The following ZBBX variants were observed in gnomAD, a reference collection of about 807,000 sequenced individuals.
The protein encoded by ZBBX is zinc finger B-box domain-containing protein 1.
A neutral mutation model predicts 108.5 loss-of-function variants in ZBBX; 101 were observed. The observed-to-expected ratio is 0.93, with a 90% CI of 0.79 to 1.10. ZBBX has a LOEUF of 1.10. ZBBX is among the 50% of genes least tolerant of loss of function. The pLI is 0.00. For synonymous variants in ZBBX, 356 were observed against 323.4 expected (o/e 1.10, Z -1.08); for missense variants, 1,009 against 941.4 (o/e 1.07, Z -0.94).
At chr3:167,356,871 C>T (rs1466417900) in intron 8 of ZBBX, among the ~76,000 whole-genome samples, 1 of 152,060 alleles carries the variant, frequency 6.6e-6, no homozygotes, top group African/African-American at 2.4e-5. Context: ...GAGTGCAACT[C>T]AGCTTTTACT....
chr3:167,353,754 C>A (rs1421658672), intron 8 of ZBBX, among the ~76,000 whole-genome samples: 1 of 151,958 alleles, frequency 6.6e-6, no homozygotes, highest in Non-Finnish European at 1.5e-5. Flanking sequence ...ACCCTTGTAT[C>A]TCCATAATGA....
intron 6 of ZBBX, among the ~76,000 whole-genome samples, chr3:167,363,550 C>T (rs558402959): frequency 5.9e-5 from 9 of 152,124 alleles, no homozygotes; most frequent in Admixed American, 3.9e-4. Context: ...TGGTGAAGGC[C>T]TCTTTAATGG....
the ZBBX span, among the ~76,000 whole-genome samples, chr3:167,219,469 A>G: frequency 1.3e-5 from 2 of 152,068 alleles, no homozygotes; most frequent in Non-Finnish European, 2.9e-5. Context: ...AATCAATAAC[A>G]AGAGGAATTT....
chr3:167,373,320 T>C (rs1289235661), intron 3 of ZBBX, among the ~76,000 whole-genome samples: 1 of 152,228 alleles, frequency 6.6e-6, no homozygotes, highest in African/African-American at 2.4e-5. Context: ...TTTTGGTGTT[T>C]GCAGGGTGTG....
At chr3:167,366,409 T>C (rs892106588) in intron 5 of ZBBX, among the ~76,000 whole-genome samples, 6 of 151,850 alleles carry the variant, frequency 4.0e-5, no homozygotes, top group African/African-American at 1.4e-4. Context: ...AAACCTCTAA[T>C]GATCTCCCAC....
chr3:167,366,591 G>T (rs1745355311), intron 5 of ZBBX, among the ~76,000 whole-genome samples: 2 of 151,862 alleles, frequency 1.3e-5, no homozygotes, highest in Non-Finnish European at 1.5e-5. Flanking sequence ...ACATCACACA[G>T]AATAAATAAT....
At chr3:167,396,821 T>C (rs1748248249) in intron 1 of ZBBX, among the ~76,000 whole-genome samples, 1 of 151,892 alleles carries the variant, frequency 6.6e-6, no homozygotes, top group Admixed American at 6.6e-5. Flanking sequence ...AGGGAAAAAT[T>C]ACTTCAGGAA....
In ZBBX at chr3:167,305,834, C is replaced by G; in HGVS notation, c.1534G>C (p.Gly512Arg). 1.2e-6 allele frequency: 2 copies of G among 1,611,480 alleles called. No homozygotes were observed. The highest frequency in any genetic ancestry group is 1.7e-6 in the Non-Finnish European group (2 of 1,178,888). Residue 512 changes from glycine to arginine, a missense_variant, in exon 17 of 22, where the codon GGT becomes CGT. Transcript: ENST00000675490. Reference protein sequence around the residue: ...FERNLKEKNIGLESNQKSDDS... With the variant: ...FERNLKEKNIRLESNQKSDDS... ...TCAGACTTTTGATTACTTTCTAAAC[C>G]TATATTTTTCTCCTTTAAATTTCTT... is the stretch of plus-strand genomic sequence containing the variant.
chr3:167,274,669 C>A (rs531784675), intron 20 of ZBBX, among the ~76,000 whole-genome samples: 1 of 152,304 alleles, frequency 6.6e-6, no homozygotes, highest in South Asian at 2.1e-4. Flanking sequence ...ATCAATAACT[C>A]ACATCTGTTC....
chr3:167,327,912 TCAAAA>T, intron 11 of ZBBX, 25 bp downstream of exon 11: 1 of 408,316 alleles, frequency 2.4e-6, no homozygotes, highest in Non-Finnish European at 3.6e-6. Flanking sequence ...AGACTCTGTC[TCAAAA>T]AAAAAAAAAA....
At chr3:167,284,733 T>C (rs1214654397) in intron 19 of ZBBX, among the ~76,000 whole-genome samples, 1 of 152,158 alleles carries the variant, frequency 6.6e-6, no homozygotes, top group African/African-American at 2.4e-5. Flanking sequence ...ACCATCTTTC[T>C]TACTGGAAAT....
chr3:167,183,507 G>T, the ZBBX span, among the ~76,000 whole-genome samples: 1 of 152,262 alleles, frequency 6.6e-6, no homozygotes, highest in Admixed American at 6.5e-5. Flanking sequence ...AGAGTGCGGA[G>T]TGGGAATCAG....
intron 20 of ZBBX, among the ~76,000 whole-genome samples, chr3:167,244,274 G>T (rs1159382466): frequency 3.9e-5 from 6 of 151,930 alleles, no homozygotes; most frequent in African/African-American, 1.2e-4. Context: ...CTATTTTTCC[G>T]TATGGTAAAA....
At chr3:167,348,387 G>T (rs1577061873) in intron 9 of ZBBX, among the ~76,000 whole-genome samples, 1 of 122,530 alleles carries the variant, frequency 8.2e-6, no homozygotes, top group South Asian at 2.7e-4. Context: ...GAAAAGAAAA[G>T]AAGAAGGAGG....
At chr3:167,327,647 T>C (rs903119248) in intron 11 of ZBBX, among the ~76,000 whole-genome samples, 1 of 152,126 alleles carries the variant, frequency 6.6e-6, no homozygotes, top group Non-Finnish European at 1.5e-5. Context: ...CTGGGCACAG[T>C]GGCTCATGTC....
intron 9 of ZBBX, among the ~76,000 whole-genome samples, chr3:167,344,678 G>T (rs1741133445): frequency 6.6e-6 from 1 of 151,552 alleles, no homozygotes; most frequent in Non-Finnish European, 1.5e-5. Context: ...GTACAGTTCA[G>T]GTAGATAAGG....
intron 9 of ZBBX, among the ~76,000 whole-genome samples, chr3:167,334,294 C>T (rs187051750): frequency 2.8e-4 from 43 of 152,150 alleles, no homozygotes; most frequent in Admixed American, 1.9e-3. Context: ...AAGCTTAGGC[C>T]GGGCGTGGTG....
At chr3:167,402,102 C>T (rs911877751) in intron 1 of ZBBX, among the ~76,000 whole-genome samples, 11 of 152,068 alleles carry the variant, frequency 7.2e-5, no homozygotes, top group African/African-American at 1.4e-4. Context: ...GGCTACATTA[C>T]GGTCTGAAAG....
the ZBBX span, among the ~76,000 whole-genome samples, chr3:167,192,219 GT>G: frequency 6.6e-6 from 1 of 151,782 alleles, no homozygotes; most frequent in East Asian, 1.9e-4. Context: ...ACTTTCAAAT[GT>G]TTTATTTTCA....
Sources: gnomAD v4.1 joint callset for allele counts (sites outside exome capture counted in the v4.1 genomes callset) on GRCh38, gnomAD v4.1.1 for gene constraint, MANE v1.5 for transcripts, NCBI Gene and HGNC (gene_info 2026-07-23, HGNC 2026-07-21) for gene names.